The following FAM169A variants were observed in gnomAD, a reference collection of about 807,000 sequenced individuals.
FAM169A encodes the protein soluble lamin-associated protein of 75 kDa.
In FAM169A, 24 loss-of-function variants were observed where a neutral mutation model predicts 75.7. That is an observed-to-expected ratio of 0.32 (90% confidence interval 0.23 to 0.45). FAM169A has a LOEUF of 0.45. Among genes scored for constraint, FAM169A ranks in the 20% least tolerant of loss-of-function variants. The pLI is 1.00. For missense variants in FAM169A, 673 were observed against 784.0 expected, an observed-to-expected ratio of 0.86 and a Z score of 1.69; for synonymous variants, 271 against 271.0, an observed-to-expected ratio of 1.00 and a Z score of 0.00.
At chr5:74,866,814 A>G, upstream of FAM169A, 1 of 985,526 alleles carries the variant, frequency 1.0e-6, no homozygotes, top group South Asian at 4.7e-5. Flanking sequence ...CCCTCCTGAA[A>G]TTTACCCAGA....
intron 6 of FAM169A, among the ~76,000 whole-genome samples, chr5:74,813,255 G>A (rs1747300588): frequency 6.6e-6 from 1 of 152,094 alleles, no homozygotes; most frequent in Admixed American, 6.5e-5. Context: ...GAACAACTAT[G>A]AATATACTAA....
chr5:74,837,585 T>C (rs2112661221), intron 4 of FAM169A, among the ~76,000 whole-genome samples: 1 of 152,338 alleles, frequency 6.6e-6, no homozygotes, highest in East Asian at 1.9e-4. Context: ...AGTTTCTTTT[T>C]TTCCTGCTGC....
chr5:74,799,162 G>A (rs1746433397), intron 10 of FAM169A: 1 of 1,072,768 alleles, frequency 9.3e-7, no homozygotes, highest in African/African-American at 1.5e-5. Context: ...ACACATCACA[G>A]ATATTGACTG....
At chr5:74,793,323 C>CAAAA (rs916752737) in intron 11 of FAM169A, among the ~76,000 whole-genome samples, 6 of 65,432 alleles carry the variant, frequency 9.2e-5, no homozygotes, top group Non-Finnish European at 1.6e-4. Flanking sequence ...GAGTCCATTT[C>CAAAA]AAAAAAAAAA....
At chr5:74,805,927 T>C (rs1478582780) in intron 6 of FAM169A, among the ~76,000 whole-genome samples, 1 of 71,962 alleles carries the variant, frequency 1.4e-5, no homozygotes, top group African/African-American at 5.7e-5. Context: ...GAACAAAGGA[T>C]AAGAAAATAT....
At chr5:74,834,178 G>A (rs1267251273) in intron 5 of FAM169A, among the ~76,000 whole-genome samples, 2 of 152,114 alleles carry the variant, frequency 1.3e-5, no homozygotes, top group African/African-American at 4.8e-5. Context: ...GTACAACTGT[G>A]TCTCCATATA....
chr5:74,863,961 T>A (rs1221975323), intron 1 of FAM169A, among the ~76,000 whole-genome samples: 2 of 152,312 alleles, frequency 1.3e-5, no homozygotes, highest in East Asian at 3.9e-4. Flanking sequence ...TTTGCTTACT[T>A]AAATTCCCTA....
intron 1 of FAM169A, among the ~76,000 whole-genome samples, chr5:74,864,532 T>C (rs188666235): frequency 1.5e-4 from 23 of 152,334 alleles, no homozygotes; most frequent in Admixed American, 1.4e-3. Context: ...CCGGCCTATA[T>C]CCCATCTTTA....
At chr5:74,815,611 C>G (rs1747430848) in intron 5 of FAM169A, among the ~76,000 whole-genome samples, 1 of 152,158 alleles carries the variant, frequency 6.6e-6, no homozygotes, top group Non-Finnish European at 1.5e-5. Flanking sequence ...TAAATAGGAA[C>G]TGGGTAAAAT....
chr5:74,808,659 T>C (rs1561300204), intron 6 of FAM169A, among the ~76,000 whole-genome samples: 1 of 152,174 alleles, frequency 6.6e-6, no homozygotes, highest in Non-Finnish European at 1.5e-5. Context: ...GTTTAAAAAC[T>C]AAGAAAGCAC....
chr5:74,828,525 T>C (rs1240629868), intron 5 of FAM169A, among the ~76,000 whole-genome samples: 2 of 152,156 alleles, frequency 1.3e-5, no homozygotes, highest in Non-Finnish European at 2.9e-5. Flanking sequence ...GAGCAGGTCT[T>C]TTCCCAGAGC....
chr5:74,854,902 G>C (rs1268356065), intron 1 of FAM169A, among the ~76,000 whole-genome samples: 1 of 152,168 alleles, frequency 6.6e-6, no homozygotes, highest in Non-Finnish European at 1.5e-5. Context: ...ATTATGAATA[G>C]TGCTGCAATA....
At position 74,852,477 on chromosome 5, in the gene FAM169A, G is replaced by C. The variant is rs116550668; in HGVS notation, c.-3-10798C>G. Among the ~76,000 whole-genome samples the C allele has an allele frequency of 7.4e-3, 1,128 of 152,228 alleles. 6 individuals carry two copies. The highest frequency in any genetic ancestry group is 0.014 in the Middle Eastern group (4 of 294). ...TTCAAAGCATATTTACTAAATAAAT[G>C]AATGACTGAATAAAAGTTTGTATAA... is the stretch of plus-strand genomic sequence containing the variant. On this transcript the variant is annotated intron_variant, in intron 1 of 12. Transcript: ENST00000687041.
chr5:74,800,882 G>A lies in FAM169A; in HGVS notation c.1101C>T (p.Asn367=). Residue 367 remains asparagine, a splice_region_variant and synonymous_variant, in exon 10 of 13, where the codon AAC becomes AAT. Transcript: ENST00000687041. ...GAGTAAAATCAACAATTATTTACTT[G>A]TTTATTGAAGCTGTAAGTGAAGTCT... ...TSQTSLTASI[N]KLESTARPSE... is the part of the protein sequence containing the mutation. The A allele has an allele frequency of 7.1e-7, 1 of 1,413,952 alleles. No homozygotes were observed. Among genetic ancestry groups the A allele is most frequent in the Non-Finnish European group, 9.3e-7 (1 of 1,077,052 alleles). 87.6% of individuals were successfully genotyped at this position (1,413,952 alleles called of 1,614,324 possible).
rs1011568740 is a variant in FAM169A at position 74,778,142 on chromosome 5, T to C, written c.*3318A>G. ...GTTTTTTTTAGAACCAAAAATACTA[T>C]CTTGTAAGGTACAAAGAAAGCTTGA... is the stretch of plus-strand genomic sequence containing the variant. On this transcript the variant is annotated 3_prime_UTR_variant, in exon 13 of 13. Coordinates refer to ENST00000687041, the MANE Select transcript of FAM169A (RefSeq NM_001376049.1). 3.3e-5 allele frequency: 5 copies of C among 152,160 alleles called. No individual in the cohort carries two copies. The highest frequency in any genetic ancestry group is 1.2e-4 in the African/African-American group (5 of 41,562). 9.4% of individuals were successfully genotyped at this position (152,160 alleles called of 1,614,324 possible).
chr5:74,844,768 G>C (rs1475620550), intron 1 of FAM169A, among the ~76,000 whole-genome samples: 1 of 152,148 alleles, frequency 6.6e-6, no homozygotes, highest in South Asian at 2.1e-4. Flanking sequence ...GGTGAGCCAA[G>C]ATCGCACCAC....
chr5:74,864,105 G>A (rs1207176252), intron 1 of FAM169A, among the ~76,000 whole-genome samples: 1 of 152,202 alleles, frequency 6.6e-6, no homozygotes, highest in Non-Finnish European at 1.5e-5. Flanking sequence ...CTTGTTTGAA[G>A]ACAAAATTAG....
intron 5 of FAM169A, among the ~76,000 whole-genome samples, chr5:74,833,993 T>C (rs1400015430): frequency 6.6e-6 from 1 of 152,226 alleles, no homozygotes; most frequent in Non-Finnish European, 1.5e-5. Context: ...GCCAAGTTGC[T>C]CTTTCATATG....
intron 2 of FAM169A, among the ~76,000 whole-genome samples, chr5:74,840,406 C>A (rs1748796710): frequency 6.6e-6 from 1 of 151,748 alleles, no homozygotes; most frequent in African/African-American, 2.4e-5. Flanking sequence ...TATTATGTAT[C>A]TAGCCACACA....
Sources: gnomAD v4.1 joint callset for allele counts (sites outside exome capture counted in the v4.1 genomes callset) on GRCh38, gnomAD v4.1.1 for gene constraint, MANE v1.5 for transcripts, NCBI Gene and HGNC (gene_info 2026-07-23, HGNC 2026-07-21) for gene names.